The following SLC2A13 variants were observed in gnomAD, a reference collection of about 807,000 sequenced individuals.
SLC2A13 encodes the protein solute carrier family 2 member 13, also known as proton myo-inositol cotransporter.
Under a neutral mutation model 64.4 loss-of-function variants are expected in SLC2A13, and 32 were observed. That is an observed-to-expected ratio of 0.50 (90% confidence interval 0.37 to 0.67). The LOEUF (loss-of-function observed/expected upper bound fraction) is 0.67, where lower values mean the gene tolerates loss of function less well. SLC2A13 is among the 30% of genes least tolerant of loss of function. The pLI is 0.00. For missense variants in SLC2A13, 743 were observed against 829.2 expected (o/e 0.90, Z 1.28); for synonymous variants, 338 against 327.1 (o/e 1.03, Z -0.36).
At chr12:39,950,227 A>C (rs1483062974) in intron 4 of SLC2A13, 1 of 152,052 alleles carries the variant, frequency 6.6e-6, no homozygotes, top group East Asian at 1.9e-4. Context: ...TCACTAAATA[A>C]CTCATCATAT....
At chr12:39,996,855 A>G (rs1947240224) in intron 3 of SLC2A13, among the ~76,000 whole-genome samples, 2 of 152,342 alleles carry the variant, frequency 1.3e-5, no homozygotes, top group South Asian at 4.1e-4. Context: ...TACATGGAAA[A>G]CTATAAAACA....
intron 4 of SLC2A13, among the ~76,000 whole-genome samples, chr12:39,901,858 C>T (rs1191778877): frequency 3.3e-5 from 5 of 149,446 alleles, no homozygotes; most frequent in Admixed American, 6.7e-5. Flanking sequence ...ACCCAAAGGA[C>T]TATAAATCAT....
chr12:39,927,276 T>C (rs1945746270), intron 4 of SLC2A13, among the ~76,000 whole-genome samples: 1 of 152,202 alleles, frequency 6.6e-6, no homozygotes, highest in African/African-American at 2.4e-5. Context: ...AGTTTGCTTC[T>C]ACCTTTGATT....
chr12:39,955,017 A>G (rs1946293021), intron 3 of SLC2A13, among the ~76,000 whole-genome samples: 1 of 152,226 alleles, frequency 6.6e-6, no homozygotes, highest in African/African-American at 2.4e-5. Flanking sequence ...TGACCTAATA[A>G]GTGACATTTA....
At chr12:40,068,305 T>C (rs928067095) in intron 1 of SLC2A13, 3 of 418,500 alleles carry the variant, frequency 7.2e-6, no homozygotes, top group Non-Finnish European at 1.4e-5. Context: ...GGATCAATGA[T>C]AGCCAGTGTG....
chr12:40,028,115 G>A (rs2136215940), intron 3 of SLC2A13, among the ~76,000 whole-genome samples, 186 bp downstream of exon 3: 1 of 151,890 alleles, frequency 6.6e-6, no homozygotes, highest in East Asian at 1.9e-4. Context: ...GCTTTTAAAT[G>A]AATATGGAAG....
rs1389955907 is a variant in SLC2A13, at chr12:40,059,238, T to C, written c.557-11028A>G. ...TTATTAGATTTTTACAAACTCTCCATCTACAAGTATGCTAATGGCACATTT... is the reference window on the plus strand; with the variant it reads ...TTATTAGATTTTTACAAACTCTCCACCTACAAGTATGCTAATGGCACATTT... On this transcript the variant is annotated intron_variant, in intron 1 of 9. Transcript: ENST00000280871. Among the ~76,000 whole-genome samples, 4 of 152,200 alleles carry C rather than the reference T, an allele frequency of 2.6e-5. No homozygotes were observed. In the East Asian group the frequency reaches 5.8e-4, roughly 22 times the overall value.
At chr12:39,840,033 TG>T (rs1171346359) in intron 6 of SLC2A13, among the ~76,000 whole-genome samples, 6 of 151,976 alleles carry the variant, frequency 3.9e-5, no homozygotes, top group Non-Finnish European at 7.4e-5. Flanking sequence ...TCTTTTTTTT[TG>T]TTTTGTTTTG....
intron 4 of SLC2A13, chr12:39,950,847 C>A (rs1008282249): frequency 3.8e-5 from 7 of 184,932 alleles, no homozygotes; most frequent in Middle Eastern, 2.0e-3. Flanking sequence ...TCACATTGCA[C>A]TGTAGTAGAC....
Position 39,761,151 on chromosome 12 carries a change from C to A in SLC2A13, c.1721-899G>T, listed in dbSNP as rs113390596. The stretch of plus-strand genomic sequence containing the variant: ...TGACAATTGGCTGGAGAAAGGATAT[C>A]AGACTGGGAGTGGGAAGAACTGAGT... On this transcript the variant is annotated intron_variant, in intron 9 of 9. Transcript: ENST00000280871. 4.9e-3 allele frequency among the ~76,000 whole-genome samples: 741 copies of A among 152,034 alleles called. 6 individuals are homozygous for A. Among genetic ancestry groups the A allele is most frequent in the African/African-American group, 0.017 (707 of 41,494 alleles).
chr12:40,062,689 T>C (rs969997468), intron 1 of SLC2A13, among the ~76,000 whole-genome samples: 3 of 152,012 alleles, frequency 2.0e-5, no homozygotes, highest in Non-Finnish European at 4.4e-5. Context: ...AATAAGCTCT[T>C]GGAAAAAAAA....
chr12:39,985,421 G>T (rs941163554), intron 3 of SLC2A13, among the ~76,000 whole-genome samples: 2 of 152,070 alleles, frequency 1.3e-5, no homozygotes, highest in Admixed American at 1.3e-4. Flanking sequence ...GGTAATAATG[G>T]TTAAGAAAAG....
intron 1 of SLC2A13, among the ~76,000 whole-genome samples, chr12:40,104,591 T>C (rs1369270615): frequency 6.6e-6 from 1 of 151,920 alleles, no homozygotes; most frequent in African/African-American, 2.4e-5. Context: ...TAAAAAAGGA[T>C]TCAAATGAAA....
chr12:39,944,554 G>A (rs1946103648), intron 4 of SLC2A13, among the ~76,000 whole-genome samples: 1 of 152,196 alleles, frequency 6.6e-6, no homozygotes, highest in Admixed American at 6.5e-5. Context: ...TTAGGATTGT[G>A]ATATTTTACT....
At chr12:39,967,692 C>A (rs967922629) in intron 3 of SLC2A13, among the ~76,000 whole-genome samples, 4 of 152,112 alleles carry the variant, frequency 2.6e-5, no homozygotes, top group Non-Finnish European at 1.5e-5. Flanking sequence ...AAGTACTATT[C>A]ATAAATTACT....
intron 7 of SLC2A13, among the ~76,000 whole-genome samples, chr12:39,771,039 A>C (rs1940548679): frequency 6.6e-6 from 1 of 152,188 alleles, no homozygotes; most frequent in African/African-American, 2.4e-5. Context: ...GAACGTACAC[A>C]AAGAATTTCA....
In SLC2A13 at chr12:40,105,311, A is replaced by C; in HGVS notation, c.498T>G (p.Ala166=). Residue 166 remains alanine (A), a synonymous_variant, in exon 1 of 10, where the codon GCT becomes GCG. Coordinates refer to ENST00000280871, the MANE Select transcript of SLC2A13 (RefSeq NM_052885.4). The surrounding 1 kb of genome is among the most constrained non-coding windows in gnomAD (Gnocchi z 4.2). ...ALFTAGSAVL[A]AANNKETLLA... Reference sequence around the variant, plus strand: ...GCAGTGTCTCCTTGTTGTTGGCCGCAGCCAGCACCGCGGAGCCGGCGGTGA... The same window carrying C: ...GCAGTGTCTCCTTGTTGTTGGCCGCCGCCAGCACCGCGGAGCCGGCGGTGA... The C allele has an allele frequency of 6.2e-7, 1 of 1,602,132 alleles. No homozygotes were observed. Among genetic ancestry groups the C allele is most frequent in the South Asian group, 1.1e-5 (1 of 89,738 alleles).
At chr12:39,859,817 C>T (rs913045071) in intron 6 of SLC2A13, among the ~76,000 whole-genome samples, 8 of 152,150 alleles carry the variant, frequency 5.3e-5, no homozygotes, top group Middle Eastern at 3.4e-3. Context: ...TGAGCCATTG[C>T]GTCTGGCCTT....
At chr12:39,902,035 C>T (rs574230518) in intron 4 of SLC2A13, among the ~76,000 whole-genome samples, 1 of 152,114 alleles carries the variant, frequency 6.6e-6, no homozygotes, top group Non-Finnish European at 1.5e-5. Flanking sequence ...AGTTCATGTC[C>T]TTTGTAGGGA....
Sources: gnomAD v4.1 joint callset for allele counts (sites outside exome capture counted in the v4.1 genomes callset) on GRCh38, gnomAD v4.1.1 for gene constraint, Gnocchi (gnomAD v3.1) non-coding constraint, MANE v1.5 for transcripts, NCBI Gene and HGNC (gene_info 2026-07-23, HGNC 2026-07-21) for gene names.